Variants in RGS10 observed in about 807,000 individuals in gnomAD.
RGS10 encodes the protein regulator of G protein signaling 10, also known as regulator of G-protein signalling 10.
RGS10 carries 11 observed loss-of-function variants against 23.5 expected under a neutral mutation model. The observed-to-expected ratio is 0.47, with a 90% confidence interval of 0.29 to 0.77. RGS10 has a LOEUF of 0.77. Among genes scored for constraint, RGS10 ranks in the 30% least tolerant of loss-of-function variants. The probability of loss-of-function intolerance (pLI) is 0.08; values close to 1 mark genes in which losing one functional copy is unlikely to be tolerated. For synonymous variants in RGS10, 77 were observed against 83.2 expected (o/e 0.92, Z 0.41); for missense variants, 180 against 226.3 (o/e 0.80, Z 1.31).
chr10:119,509,978 A>G (rs1844059310), intron 4 of RGS10, among the ~76,000 whole-genome samples: 1 of 152,060 alleles, frequency 6.6e-6, no homozygotes. Context: ...GGGGAGGGGC[A>G]GAGCTCAGGC....
chr10:119,514,396 G>A (rs1399793697), intron 4 of RGS10, among the ~76,000 whole-genome samples: 2 of 151,768 alleles, frequency 1.3e-5, no homozygotes, highest in African/African-American at 2.4e-5. Flanking sequence ...AGTGGCTCAC[G>A]CCTGTAATCA....
At chr10:119,528,780 GC>G (rs1833009646) in intron 1 of RGS10, among the ~76,000 whole-genome samples, 1 of 151,948 alleles carries the variant, frequency 6.6e-6, no homozygotes, top group Admixed American at 6.6e-5. Flanking sequence ...GTTGCAGTGA[GC>G]CAAGATCACA....
At chr10:119,510,146 A>T (rs1844061299) in intron 4 of RGS10, among the ~76,000 whole-genome samples, 1 of 152,162 alleles carries the variant, frequency 6.6e-6, no homozygotes, top group South Asian at 2.1e-4. Flanking sequence ...ACCTGAGCCA[A>T]GGGGCTCAGG....
chr10:119,527,422 T>C lies in RGS10; in HGVS notation c.52A>G (p.Ile18Val). 1 of 1,613,760 alleles carries C rather than the reference T, an allele frequency of 6.2e-7. No individual in the cohort carries two copies. Among genetic ancestry groups the C allele is most frequent in the Admixed American group, 1.7e-5 (1 of 60,024 alleles). Residue 18 changes from isoleucine (I) to valine (V), a missense_variant and splice_region_variant, in exon 2 of 5, where the codon ATC (isoleucine) becomes GTC (valine). Ile to Val is a conservative substitution (Grantham distance 29). Transcript: ENST00000369103. This position sits in a 1 kb window ranked among gnomAD's most constrained non-coding sequence, Gnocchi z 4.2. ...CTGGAACTGCCATCGCTGTCGTGGATGTCTGCAAAGCAAAGTTCAGACTGC... is the reference window on the plus strand; with the variant it reads ...CTGGAACTGCCATCGCTGTCGTGGACGTCTGCAAAGCAAAGTTCAGACTGC... Reference protein sequence around the residue: ...RLSRKRPPSDIHDSDGSSSSS... With the variant: ...RLSRKRPPSDVHDSDGSSSSS...
At chr10:119,508,334 C>T (rs974865333) in intron 4 of RGS10, among the ~76,000 whole-genome samples, 2 of 152,130 alleles carry the variant, frequency 1.3e-5, no homozygotes, top group Admixed American at 1.3e-4. Context: ...ATGGGGACCC[C>T]TGATATTCAT....
intron 4 of RGS10, 70 bp from the exon 5 acceptor site, chr10:119,500,329 T>C (rs141198794): frequency 7.0e-7 from 1 of 1,418,496 alleles, no homozygotes; most frequent in Non-Finnish European, 9.6e-7. Context: ...CCATCAGATA[T>C]GTATTAATAC....
At chr10:119,539,263 T>C (rs1164431407) in intron 1 of RGS10, among the ~76,000 whole-genome samples, 1 of 152,242 alleles carries the variant, frequency 6.6e-6, no homozygotes, top group African/African-American at 2.4e-5. Flanking sequence ...AACAAAGACA[T>C]TAAATTGCTG....
rs923873724 is a variant in RGS10 at position 119,542,595 on chromosome 10, G to A, written c.44C>T (p.Pro15Leu). 9.8e-6 allele frequency: 14 copies of A among 1,423,820 alleles called. No individual in the cohort carries two copies. The highest frequency in any genetic ancestry group is 1.3e-5 in the Non-Finnish European group (14 of 1,086,556). The allele number at this position is 1,423,820 out of a possible 1,614,324, so 88.2% of individuals were successfully genotyped here. Residue 15 changes from proline (P) to leucine (L), a missense_variant, in exon 1 of 5, where the codon CCG (proline) becomes CTG (leucine). Coordinates refer to ENST00000369103, the MANE Select transcript of RGS10 (RefSeq NM_001005339.2). ...GGGCCCCCGAAGCCGCTTACCTGAC[G>A]GCGGCCGCTTCCTGCTCAGCCGGCT... ...AVSRLSRKRP[P>L]SDIHDSDGSS...
chr10:119,538,170 G>GA lies in RGS10; in HGVS notation c.49+4419dup, dbSNP rs1415328965. ...GAAGGAAGGGAGGGAGGGAGTGGAGGAGAGAGGGATGGAGGAAGGGAGGAA... is the reference window on the plus strand; with the variant it reads ...GAAGGAAGGGAGGGAGGGAGTGGAGGAAGAGAGGGATGGAGGAAGGGAGGAA... On this transcript the variant is annotated intron_variant, in intron 1 of 4. Transcript: ENST00000369103. This position sits in a 1 kb window ranked among gnomAD's most constrained non-coding sequence, Gnocchi z 4.5. Among the ~76,000 whole-genome samples the GA allele has an allele frequency of 6.6e-6, 1 of 152,134 alleles. No homozygotes were observed. Among genetic ancestry groups the GA allele is most frequent in the Non-Finnish European group, 1.5e-5 (1 of 68,004 alleles).
chr10:119,527,418 T>C lies in RGS10; in HGVS notation c.56A>G (p.His19Arg). 6.2e-7 allele frequency: 1 copy of C among 1,613,974 alleles called. No homozygotes were observed. The highest frequency in any genetic ancestry group is 8.5e-7 in the Non-Finnish European group (1 of 1,179,822). Residue 19 changes from histidine to arginine, a missense_variant, in exon 2 of 5, where the codon CAC becomes CGC. Coordinates refer to ENST00000369103, the MANE Select transcript of RGS10 (RefSeq NM_001005339.2). This position sits in a 1 kb window ranked among gnomAD's most constrained non-coding sequence, Gnocchi z 4.2. ...LSRKRPPSDIHDSDGSSSSSH... is the reference protein window; with the variant it reads ...LSRKRPPSDIRDSDGSSSSSH... ...GCTGCTGGAACTGCCATCGCTGTCG[T>C]GGATGTCTGCAAAGCAAAGTTCAGA...
At chr10:119,512,037 T>C (rs1589834910) in intron 4 of RGS10, among the ~76,000 whole-genome samples, 3 of 152,204 alleles carry the variant, frequency 2.0e-5, no homozygotes, top group Admixed American at 6.5e-5. Context: ...AGCCTGGGGC[T>C]CAGGGAAGAT....
Position 119,517,069 on chromosome 10 carries a change from G to T in RGS10, c.256-1417C>A, listed in dbSNP as rs1044226388. Among the ~76,000 whole-genome samples, 1 of 152,252 alleles carries T rather than the reference G, an allele frequency of 6.6e-6. No homozygotes were observed. The highest frequency in any genetic ancestry group is 2.4e-5 in the African/African-American group (1 of 41,474). On this transcript the variant is annotated intron_variant, in intron 3 of 4. Coordinates refer to ENST00000369103, the MANE Select transcript of RGS10 (RefSeq NM_001005339.2). The surrounding 1 kb of genome is among the most constrained non-coding windows in gnomAD (Gnocchi z 5.0). ...GCCCAACTGGGGCTCCGCATGTGCT[G>T]TGGGGCTTGGTTTGGGAAATCCCAA...
chr10:119,499,935 A>T lies in RGS10; in HGVS notation c.*178T>A. 1 of 552,914 alleles carries T rather than the reference A, an allele frequency of 1.8e-6. No individual in the cohort carries two copies. The highest frequency in any genetic ancestry group is 3.1e-6 in the Non-Finnish European group (1 of 323,872). 34.3% of individuals were successfully genotyped at this position (552,914 alleles called of 1,614,324 possible). A position where few individuals can be genotyped will look rare whatever the true frequency, so the allele number is the denominator to read the frequency against. On this transcript the variant is annotated 3_prime_UTR_variant, in exon 5 of 5. Transcript: ENST00000369103. ...TCCAAGTTATTATTATTCTTTTTTTATGTTAGCTTAGCCATCATGCAAAAT... is the reference window on the plus strand; with the variant it reads ...TCCAAGTTATTATTATTCTTTTTTTTTGTTAGCTTAGCCATCATGCAAAAT...
chr10:119,515,512 G>T lies in RGS10; in HGVS notation c.396C>A (p.Asp132Glu), dbSNP rs773350417. 1.3e-5 allele frequency: 21 copies of T among 1,614,042 alleles called. No homozygotes were observed. The Middle Eastern group carries it at 1.2e-3, about 88-fold the overall frequency. Reference protein sequence around the residue: ...PHPLMFQKLQDQIFNLMKYDS... With the variant: ...PHPLMFQKLQEQIFNLMKYDS... ...GCAGGCAGGGAAGTCGGGTTACCTG[G>T]TCCTGGAGTTTCTGGAACATCAGAG... The change falls in exon 4 of 5, where the codon GAC (aspartate) becomes GAA (glutamate). Residue 132 changes from aspartate to glutamate, a missense_variant. Transcript: ENST00000369103.
In RGS10 at chr10:119,532,128, G is replaced by A. The variant is rs181027173; in HGVS notation, c.50-4704C>T. Reference sequence around the variant, plus strand: ...ATAAGTTTTTATTTTCCCCAAAAATGTTGGTTTGAATTTTTCTAAGACTTC... The same window carrying A: ...ATAAGTTTTTATTTTCCCCAAAAATATTGGTTTGAATTTTTCTAAGACTTC... On this transcript the variant is annotated intron_variant, in intron 1 of 4. Coordinates refer to ENST00000369103, the MANE Select transcript of RGS10 (RefSeq NM_001005339.2). Among the ~76,000 whole-genome samples, 489 of 152,256 alleles carry A rather than the reference G, an allele frequency of 3.2e-3. 1 individual carries two copies. The highest frequency in any genetic ancestry group is 0.011 in the African/African-American group (468 of 41,558).
At chr10:119,542,071 G>C (rs1351396822) in intron 1 of RGS10, among the ~76,000 whole-genome samples, 1 of 152,168 alleles carries the variant, frequency 6.6e-6, no homozygotes, top group East Asian at 1.9e-4. Context: ...TCCATCCTGG[G>C]GTTCCGCCAC....
rs1450462396 is a variant in RGS10, at chr10:119,506,672, A to G, written c.400-6413T>C. ...GGAGTTGAATGCTCCTCTGAGTGCC[A>G]CTCTCCCCTCCTCTTCCCCCAAATA... On this transcript the variant is annotated intron_variant, in intron 4 of 4. Transcript: ENST00000369103. 3.3e-5 allele frequency among the ~76,000 whole-genome samples: 5 copies of G among 150,910 alleles called. No individual in the cohort carries two copies. In the South Asian group the frequency reaches 8.4e-4, roughly 25 times the overall value.
At chr10:119,525,173 GA>G (rs1263872334) in intron 3 of RGS10, among the ~76,000 whole-genome samples, 2 of 152,128 alleles carry the variant, frequency 1.3e-5, no homozygotes, top group African/African-American at 4.8e-5. Context: ...TGGAATATAA[GA>G]CATGCCTTGG....
chr10:119,542,159 T>C (rs999314859), intron 1 of RGS10, among the ~76,000 whole-genome samples: 7 of 152,132 alleles, frequency 4.6e-5, no homozygotes, highest in African/African-American at 1.7e-4. Context: ...CCCAGTCGGA[T>C]GCCCGGGTCC....
Sources: allele counts gnomAD v4.1 joint callset (sites outside exome capture counted in the v4.1 genomes callset), GRCh38; gene constraint gnomAD v4.1.1; non-coding constraint Gnocchi (gnomAD v3.1); transcripts MANE v1.5; gene names NCBI Gene and HGNC (gene_info 2026-07-23, HGNC 2026-07-21).